The following KCNC2 variants were observed in gnomAD, a reference collection of about 807,000 sequenced individuals.
KCNC2 encodes the protein voltage-gated potassium channel KCNC2.
In KCNC2, 21 loss-of-function variants were observed where a neutral mutation model predicts 44.5. The observed-to-expected ratio is 0.47, with a 90% CI of 0.33 to 0.68. KCNC2 has a LOEUF of 0.68. Among genes scored for constraint, KCNC2 ranks in the 30% least tolerant of loss-of-function variants. The pLI, the probability that KCNC2 is intolerant of heterozygous loss-of-function variation, is 0.01. For missense variants in KCNC2, 589 were observed against 826.2 expected (o/e 0.71, Z 3.52); for synonymous variants, 391 against 339.1 (o/e 1.15, Z -1.68).
At chr12:75,099,026 A>G (rs1468609846) in intron 2 of KCNC2, among the ~76,000 whole-genome samples, 1 of 152,102 alleles carries the variant, frequency 6.6e-6, no homozygotes, top group Non-Finnish European at 1.5e-5. Flanking sequence ...GTGAGCAAAA[A>G]TATCTTCTAT....
chr12:75,120,724 TAGTA>T (rs755858871), intron 2 of KCNC2, among the ~76,000 whole-genome samples: 15 of 152,162 alleles, frequency 9.9e-5, no homozygotes, highest in Non-Finnish European at 2.2e-4. Context: ...TGCTGGACCT[TAGTA>T]AGTGTTTCTT....
At chr12:75,154,150 C>T (rs1241833503) in intron 2 of KCNC2, among the ~76,000 whole-genome samples, 1 of 152,008 alleles carries the variant, frequency 6.6e-6, no homozygotes, top group African/African-American at 2.4e-5. Flanking sequence ...TGAGTGCTTT[C>T]ATGATAGGAC....
intron 2 of KCNC2, among the ~76,000 whole-genome samples, chr12:75,172,596 G>A (rs750583438): frequency 2.0e-5 from 3 of 151,780 alleles, no homozygotes; most frequent in Non-Finnish European, 2.9e-5. Flanking sequence ...TCTCTCACAA[G>A]CTACTGATAA....
chr12:75,064,271 ATCTC>A (rs1357396777), intron 2 of KCNC2, among the ~76,000 whole-genome samples: 1 of 151,946 alleles, frequency 6.6e-6, no homozygotes, highest in African/African-American at 2.4e-5. Flanking sequence ...TATTATTATA[ATCTC>A]TCTTATTTGA....
rs1239508229 is a variant in KCNC2 at position 75,043,681 on chromosome 12, TAA to T, written c.1781-442_1781-441del. On this transcript the variant is annotated intron_variant, in intron 4 of 4. Transcript: ENST00000549446. ...ATTTCCTAAGCCAATAAAGCATACTTAAGTTTAAATGGACAACTCTTTTTCCA... is the reference window on the plus strand; with the variant it reads ...ATTTCCTAAGCCAATAAAGCATACTTGTTTAAATGGACAACTCTTTTTCCA... 3 of 1,360,558 alleles carry T rather than the reference TAA, an allele frequency of 2.2e-6. No homozygotes were observed. In the East Asian group the frequency reaches 8.1e-5, roughly 37 times the overall value. The allele number at this position is 1,360,558 out of a possible 1,614,324, so 84.3% of individuals were successfully genotyped here. A position where few individuals can be genotyped will look rare whatever the true frequency, so the allele number is the denominator to read the frequency against.
At chr12:75,197,475 C>T (rs1234968757) in intron 2 of KCNC2, among the ~76,000 whole-genome samples, 3 of 152,000 alleles carry the variant, frequency 2.0e-5, no homozygotes, top group Non-Finnish European at 4.4e-5. Flanking sequence ...CCTCCTTAAC[C>T]TGTGGGTCTA....
intron 2 of KCNC2, among the ~76,000 whole-genome samples, chr12:75,145,954 ATTTT>A (rs10715917): frequency 7.4e-6 from 1 of 135,966 alleles, no homozygotes; most frequent in Non-Finnish European, 1.6e-5. Context: ...AGTCTTACCA[ATTTT>A]TTTTTTTTTT....
chr12:75,108,731 T>A (rs570753277), intron 2 of KCNC2, among the ~76,000 whole-genome samples: 1 of 152,174 alleles, frequency 6.6e-6, no homozygotes, highest in Non-Finnish European at 1.5e-5. Flanking sequence ...TAGGAAAATA[T>A]GTTTTCATGA....
chr12:75,184,444 A>T (rs1487514580), intron 2 of KCNC2, among the ~76,000 whole-genome samples: 1 of 152,176 alleles, frequency 6.6e-6, no homozygotes, highest in Non-Finnish European at 1.5e-5. Flanking sequence ...GATAACATCA[A>T]CCACTGGTTT....
Position 75,042,243 on chromosome 12 carries a change from T to G in KCNC2, c.*862A>C. ...TAAAGAGTCTAGAACCAAGCAGCAA[T>G]TTCTGGCTAAACAATGCAAGCCTGG... On this transcript the variant is annotated 3_prime_UTR_variant, in exon 5 of 5. Coordinates refer to ENST00000549446, the MANE Select transcript of KCNC2 (RefSeq NM_139137.4). 6.3e-7 allele frequency: 1 copy of G among 1,584,586 alleles called. No individual in the cohort carries two copies. The highest frequency in any genetic ancestry group is 1.2e-5 in the South Asian group (1 of 86,418).
At chr12:75,047,927 AAAG>A (rs1341008087) in intron 4 of KCNC2, among the ~76,000 whole-genome samples, 1 of 152,066 alleles carries the variant, frequency 6.6e-6, no homozygotes, top group Non-Finnish European at 1.5e-5. Flanking sequence ...ATGGCAAACC[AAAG>A]AAGAGAGAAA....
intron 2 of KCNC2, among the ~76,000 whole-genome samples, chr12:75,101,486 G>A (rs1377891596): frequency 1.3e-5 from 2 of 151,770 alleles, no homozygotes; most frequent in Non-Finnish European, 2.9e-5. Flanking sequence ...AATTTAACAT[G>A]GCAACAAAAA....
At chr12:75,184,254 A>T (rs1396349048) in intron 2 of KCNC2, among the ~76,000 whole-genome samples, 4 of 152,000 alleles carry the variant, frequency 2.6e-5, no homozygotes, top group African/African-American at 4.8e-5. Flanking sequence ...TTTTGTAGAA[A>T]CTCAAAGAAC....
At chr12:75,056,907 A>G (rs1367668180) in intron 2 of KCNC2, among the ~76,000 whole-genome samples, 2 of 152,004 alleles carry the variant, frequency 1.3e-5, no homozygotes, top group African/African-American at 4.8e-5. Flanking sequence ...TTTTCTCATT[A>G]CATACAACTA....
At chr12:75,165,452 G>A (rs1233951188) in intron 2 of KCNC2, among the ~76,000 whole-genome samples, 1 of 151,450 alleles carries the variant, frequency 6.6e-6, no homozygotes, top group Non-Finnish European at 1.5e-5. Flanking sequence ...CATGAGTTAT[G>A]AATGATAACT....
intron 2 of KCNC2, among the ~76,000 whole-genome samples, chr12:75,151,747 G>T (rs1421215511): frequency 1.3e-5 from 2 of 151,018 alleles, no homozygotes; most frequent in African/African-American, 4.9e-5. Context: ...AACCAGATTT[G>T]AAAAAGAACC....
chr12:75,194,172 A>G (rs1186770025), intron 2 of KCNC2, among the ~76,000 whole-genome samples: 1 of 152,190 alleles, frequency 6.6e-6, no homozygotes, highest in Admixed American at 6.5e-5. Context: ...CTCAGAATTA[A>G]ATTTTAGCTA....
intron 2 of KCNC2, among the ~76,000 whole-genome samples, chr12:75,073,922 C>G (rs1008073556): frequency 1.3e-5 from 2 of 152,118 alleles, no homozygotes; most frequent in African/African-American, 4.8e-5. Context: ...CCTAAATATG[C>G]TGGAAAAGTG....
intron 2 of KCNC2, among the ~76,000 whole-genome samples, chr12:75,072,846 C>T (rs1210635229): frequency 1.3e-5 from 2 of 152,122 alleles, no homozygotes; most frequent in East Asian, 3.9e-4. Flanking sequence ...GATTTTAAGA[C>T]ATAAATCTGT....
Sources: gnomAD v4.1 joint callset for allele counts (sites outside exome capture counted in the v4.1 genomes callset) on GRCh38, gnomAD v4.1.1 for gene constraint, MANE v1.5 for transcripts, NCBI Gene and HGNC (gene_info 2026-07-23, HGNC 2026-07-21) for gene names.